The following TCF7L2 variants were observed in gnomAD, a reference collection of about 807,000 sequenced individuals.
TCF7L2 encodes transcription factor 7 like 2, also known as transcription factor 7-like 2.
Under a neutral mutation model 77.9 loss-of-function variants are expected in TCF7L2, and 23 were observed. The ratio of observed to expected loss-of-function variants is 0.30; its 90% CI spans 0.21 to 0.42. The LOEUF (loss-of-function observed/expected upper bound fraction) is 0.42. Ranked by LOEUF, TCF7L2 falls within the 10% of genes least tolerant of loss-of-function variation. The pLI is 1.00. For synonymous variants in TCF7L2, 413 were observed against 340.2 expected, an observed-to-expected ratio of 1.21 and a Z score of -2.36; for missense variants, 654 against 793.1, an observed-to-expected ratio of 0.82 and a Z score of 2.11.
chr10:113,130,048 T>C, intron 5 of TCF7L2: 1 of 1,152,074 alleles, frequency 8.7e-7, no homozygotes, highest in South Asian at 1.6e-5. Flanking sequence ...TGTCCATGCT[T>C]ATGGTATTGA....
At chr10:113,160,812 T>G in intron 13 of TCF7L2, 1 of 892,148 alleles carries the variant, frequency 1.1e-6, no homozygotes, top group Non-Finnish European at 1.7e-6. Flanking sequence ...CAATGACTAA[T>G]GATCCTCATT....
intron 5 of TCF7L2, among the ~76,000 whole-genome samples, chr10:113,122,906 C>G (rs1294468024): frequency 6.6e-6 from 1 of 152,132 alleles, no homozygotes; most frequent in East Asian, 1.9e-4. Context: ...AAAGAAGCAT[C>G]AATTCATATA....
chr10:113,106,714 A>C (rs1016626397), intron 5 of TCF7L2, among the ~76,000 whole-genome samples: 1 of 152,252 alleles, frequency 6.6e-6, no homozygotes, highest in Non-Finnish European at 1.5e-5. Context: ...TTAGCGATAC[A>C]TAGACAATCA....
chr10:113,036,975 C>T (rs958652000), intron 4 of TCF7L2, among the ~76,000 whole-genome samples: 1 of 152,016 alleles, frequency 6.6e-6, no homozygotes, highest in South Asian at 2.1e-4. Flanking sequence ...CTGAGATGCC[C>T]CCTCCTTTAG....
intron 4 of TCF7L2, among the ~76,000 whole-genome samples, chr10:113,019,685 G>A (rs986320369): frequency 8.5e-5 from 13 of 152,170 alleles, no homozygotes; most frequent in African/African-American, 3.1e-4. Flanking sequence ...TTGGAGAAAA[G>A]CATTGTCAAA....
At chr10:112,999,824 C>T (rs1299998948) in intron 4 of TCF7L2, among the ~76,000 whole-genome samples, 1 of 152,132 alleles carries the variant, frequency 6.6e-6, no homozygotes, top group Non-Finnish European at 1.5e-5. Context: ...CTGTCTATAT[C>T]GTGTTAGAAC....
At chr10:113,004,688 T>A (rs139186522) in intron 4 of TCF7L2, among the ~76,000 whole-genome samples, 101 of 152,218 alleles carry the variant, frequency 6.6e-4, no homozygotes, top group Non-Finnish European at 1.1e-3. Flanking sequence ...ATTTTTTTTT[T>A]CTTTTGAGAT....
chr10:113,024,613 A>AC (rs1431312639), intron 4 of TCF7L2, among the ~76,000 whole-genome samples: 2 of 139,904 alleles, frequency 1.4e-5, no homozygotes, highest in South Asian at 2.3e-4. Flanking sequence ...TTTTATATAA[A>AC]CCCTTTTTTT....
intron 5 of TCF7L2, among the ~76,000 whole-genome samples, chr10:113,079,120 C>A (rs1377780356): frequency 6.6e-6 from 1 of 152,176 alleles, no homozygotes; most frequent in Admixed American, 6.5e-5. Flanking sequence ...AGGCGTGAGC[C>A]AGTGCGCTGG....
In TCF7L2 at chr10:113,160,677, GT is replaced by G; in HGVS notation, c.1378del (p.Cys460AlafsTer31). The G allele has an allele frequency of 6.3e-7, 1 of 1,592,562 alleles. No individual in the cohort carries two copies. Among genetic ancestry groups the G allele is most frequent in the Non-Finnish European group, 8.6e-7 (1 of 1,168,954 alleles). ...TCGGGCTTGACCGACAGACTTTATG[GT>G]GCAAACCGTGCAGGTATATTACCAC... On this transcript the variant is annotated frameshift_variant, in exon 13 of 14. Coordinates refer to ENST00000627217, the MANE Select transcript of TCF7L2 (RefSeq NM_001146274.2). LOFTEE classifies it high-confidence loss of function.
At chr10:113,131,832 G>A (rs563051045) in intron 5 of TCF7L2, among the ~76,000 whole-genome samples, 1 of 152,294 alleles carries the variant, frequency 6.6e-6, no homozygotes, top group Admixed American at 6.5e-5. Flanking sequence ...ATCCTGACAT[G>A]CCCTCCAGAT....
intron 12 of TCF7L2, among the ~76,000 whole-genome samples, chr10:113,160,381 ATTG>A (rs558097247): frequency 1.1e-3 from 159 of 148,712 alleles, no homozygotes; most frequent in Non-Finnish European, 1.8e-3. Flanking sequence ...TTATTTTTTC[ATTG>A]TTGTTTTTTG....
At chr10:113,069,770 G>A (rs911795673) in intron 5 of TCF7L2, among the ~76,000 whole-genome samples, 3 of 152,120 alleles carry the variant, frequency 2.0e-5, no homozygotes, top group Admixed American at 2.0e-4. Context: ...ACAGGTTCTC[G>A]TGTCTGCTTG....
At chr10:112,971,148 CA>C (rs1178391224) in intron 4 of TCF7L2, among the ~76,000 whole-genome samples, 1 of 152,136 alleles carries the variant, frequency 6.6e-6, no homozygotes, top group Non-Finnish European at 1.5e-5. Context: ...GCAAAACAGA[CA>C]AAAATCCCTT....
chr10:113,002,820 C>T (rs2044734799), intron 4 of TCF7L2, among the ~76,000 whole-genome samples: 1 of 152,136 alleles, frequency 6.6e-6, no homozygotes, highest in Non-Finnish European at 1.5e-5. Flanking sequence ...ATTATCCCTC[C>T]ACTTTTTCTT....
intron 7 of TCF7L2, among the ~76,000 whole-genome samples, chr10:113,145,263 T>C (rs2069148467): frequency 6.6e-6 from 1 of 152,152 alleles, no homozygotes; most frequent in Non-Finnish European, 1.5e-5. Context: ...TTCTTCTAAA[T>C]AGATGGGGCC....
chr10:113,150,294 T>TTG lies in TCF7L2; in HGVS notation c.876-693_876-692dup, dbSNP rs978376812. Reference sequence around the variant, plus strand: ...CATACAAATCAGAATCAAAGGTTTATTGTGTGTGTGTGCACCTTTCCTTTC... The same window carrying TTG: ...CATACAAATCAGAATCAAAGGTTTATTGTGTGTGTGTGTGCACCTTTCCTTTC... On this transcript the variant is annotated intron_variant, in intron 8 of 13. Coordinates refer to ENST00000627217, the MANE Select transcript of TCF7L2 (RefSeq NM_001146274.2). 4.6e-5 allele frequency among the ~76,000 whole-genome samples: 7 copies of TTG among 152,060 alleles called. No homozygotes were observed. The East Asian group carries it at 5.8e-4, about 13-fold the overall frequency.
intron 5 of TCF7L2, among the ~76,000 whole-genome samples, chr10:113,140,067 A>G (rs2068074145): frequency 6.6e-6 from 1 of 152,210 alleles, no homozygotes; most frequent in Admixed American, 6.5e-5. Context: ...CTTCGCTGGT[A>G]CCTAATCTGG....
chr10:113,074,015 G>A (rs2058417606), intron 5 of TCF7L2, among the ~76,000 whole-genome samples: 1 of 152,192 alleles, frequency 6.6e-6, no homozygotes, highest in Admixed American at 6.5e-5. Flanking sequence ...TGTTGACTCT[G>A]GTGTCGGCCG....
Sources: gnomAD v4.1 joint callset for allele counts (sites outside exome capture counted in the v4.1 genomes callset) on GRCh38, gnomAD v4.1.1 for gene constraint, MANE v1.5 for transcripts, NCBI Gene and HGNC (gene_info 2026-07-23, HGNC 2026-07-21) for gene names.